PTPN11: variants seen among roughly 807,000 people sequenced by gnomAD.
The protein encoded by PTPN11 is tyrosine-protein phosphatase non-receptor type 11.
In PTPN11, 6 loss-of-function variants were observed where a neutral mutation model predicts 78.8. The ratio of observed to expected loss-of-function variants is 0.08; its 90% CI spans 0.04 to 0.15. PTPN11 has a LOEUF of 0.15. Ranked by LOEUF, PTPN11 falls within the 10% of genes least tolerant of loss-of-function variation. PTPN11 has a pLI of 1.00. For missense variants in PTPN11, 386 were observed against 744.8 expected, an observed-to-expected ratio of 0.52 and a Z score of 5.61; for synonymous variants, 221 against 263.5, an observed-to-expected ratio of 0.84 and a Z score of 1.56.
chr12:112,482,260 A>G lies in PTPN11; in HGVS notation c.1224+55A>G. ...TGGGAACTGTTGATGGTGTGTAGGA[A>G]TTCAGGGTCTTGCCGTTACTCATGT... On this transcript the variant is annotated intron_variant, in intron 10 of 15. Coordinates refer to ENST00000351677, the MANE Select transcript of PTPN11 (RefSeq NM_002834.5). The surrounding 1 kb of genome is among the most constrained non-coding windows in gnomAD (Gnocchi z 4.4). 2 of 1,580,628 alleles carry G rather than the reference A, an allele frequency of 1.3e-6. No individual in the cohort carries two copies.
intron 14 of PTPN11, among the ~76,000 whole-genome samples, chr12:112,503,351 C>T (rs7953531): frequency 0.023 from 3,553 of 152,250 alleles, 144 homozygotes; most frequent in African/African-American, 0.08. Context: ...GCTAGTATAA[C>T]ATTTACCTTT....
At chr12:112,460,620 G>T (rs1451511054) in intron 6 of PTPN11, among the ~76,000 whole-genome samples, 3 of 151,988 alleles carry the variant, frequency 2.0e-5, no homozygotes, top group East Asian at 1.9e-4. Context: ...GAGGTGGGCG[G>T]ATCACGAGGT....
At chr12:112,441,043 C>T (rs1222664168) in intron 1 of PTPN11, among the ~76,000 whole-genome samples, 1 of 149,658 alleles carries the variant, frequency 6.7e-6, no homozygotes. Flanking sequence ...TGGCTCACCG[C>T]ACCCTCCGCT....
At chr12:112,425,797 T>G (rs2037607701) in intron 1 of PTPN11, among the ~76,000 whole-genome samples, 1 of 152,150 alleles carries the variant, frequency 6.6e-6, no homozygotes, top group African/African-American at 2.4e-5. Flanking sequence ...GTTGCAATGA[T>G]AGCTTACTGT....
chr12:112,501,398 G>C (rs554838166), intron 13 of PTPN11, among the ~76,000 whole-genome samples: 1 of 152,154 alleles, frequency 6.6e-6, no homozygotes, highest in South Asian at 2.1e-4. Context: ...GAGGCAGGTG[G>C]ATCATCTGAG....
intron 2 of PTPN11, among the ~76,000 whole-genome samples, chr12:112,446,998 T>C (rs1243877356): frequency 1.3e-5 from 2 of 152,190 alleles, no homozygotes; most frequent in African/African-American, 4.8e-5. Context: ...CCCGGGTAGC[T>C]GGGACTCCAG....
intron 13 of PTPN11, among the ~76,000 whole-genome samples, chr12:112,498,456 A>C (rs956695066): frequency 1.3e-4 from 20 of 152,188 alleles, no homozygotes; most frequent in Non-Finnish European, 2.5e-4. Context: ...AAGTGTTTTC[A>C]TTTTACCCTC....
At chr12:112,430,074 G>A (rs1185455902) in intron 1 of PTPN11, among the ~76,000 whole-genome samples, 2 of 151,776 alleles carry the variant, frequency 1.3e-5, no homozygotes, top group East Asian at 3.9e-4. Context: ...AGGCTGGAGT[G>A]CAGTGGCACC....
chr12:112,430,533 A>G (rs1368335591), intron 1 of PTPN11, among the ~76,000 whole-genome samples: 1 of 151,716 alleles, frequency 6.6e-6, no homozygotes, highest in African/African-American at 2.4e-5. Flanking sequence ...GGTTCAAGCA[A>G]TCCTCCCGTC....
intron 1 of PTPN11, among the ~76,000 whole-genome samples, chr12:112,439,767 G>A (rs2037852074): frequency 6.7e-6 from 1 of 149,532 alleles, no homozygotes; most frequent in African/African-American, 2.5e-5. Flanking sequence ...ACCATGCATG[G>A]CTGGATTGTC....
intron 2 of PTPN11, 82 bp from the exon 3 acceptor site, chr12:112,450,236 C>A: frequency 7.6e-7 from 1 of 1,323,260 alleles, no homozygotes; most frequent in Non-Finnish European, 1.1e-6. Flanking sequence ...TAGGTAAAAT[C>A]CGACGTGGAA....
chr12:112,453,430 T>C, intron 4 of PTPN11, 43 bp downstream of exon 4: 1 of 1,558,576 alleles, frequency 6.4e-7, no homozygotes, highest in Non-Finnish European at 8.8e-7. Flanking sequence ...GATGTTACCT[T>C]TGGGTGATTT....
chr12:112,488,352 A>T, intron 11 of PTPN11, 91 bp from the exon 12 acceptor site: 1 of 1,032,866 alleles, frequency 9.7e-7, no homozygotes, highest in Non-Finnish European at 1.5e-6. Flanking sequence ...AAGAGTAGAC[A>T]TTGTTTCTGT....
chr12:112,434,620 A>AG (rs2037762013), intron 1 of PTPN11, among the ~76,000 whole-genome samples: 1 of 151,746 alleles, frequency 6.6e-6, no homozygotes, highest in Non-Finnish European at 1.5e-5. Flanking sequence ...AAAAAAAAAA[A>AG]GAGAGAAAGA....
intron 11 of PTPN11, among the ~76,000 whole-genome samples, chr12:112,488,214 G>A (rs2038703716): frequency 6.6e-6 from 1 of 152,132 alleles, no homozygotes; most frequent in Non-Finnish European, 1.5e-5. Context: ...AGAGGTTAAG[G>A]GACTTACCTC....
chr12:112,460,662 T>A (rs377683885), intron 6 of PTPN11, among the ~76,000 whole-genome samples: 3 of 151,950 alleles, frequency 2.0e-5, no homozygotes, highest in Admixed American at 1.3e-4. Context: ...GCCAACATGG[T>A]GAAACCCGGT....
chr12:112,497,171 CAAA>C (rs59581934), intron 13 of PTPN11, among the ~76,000 whole-genome samples: 21 of 73,576 alleles, frequency 2.9e-4, no homozygotes, highest in East Asian at 3.0e-4. Context: ...GACTCTGTCT[CAAA>C]AAAAAAAAAA....
intron 8 of PTPN11, 56 bp downstream of exon 8, chr12:112,477,786 A>G: frequency 3.7e-6 from 6 of 1,607,114 alleles, no homozygotes; most frequent in East Asian, 2.2e-5. Context: ...CTATTTTTGT[A>G]TTTTAAATCC....
intron 7 of PTPN11, 78 bp from the exon 8 acceptor site, chr12:112,477,573 C>A: frequency 8.6e-7 from 1 of 1,157,558 alleles, no homozygotes; most frequent in Non-Finnish European, 1.3e-6. Flanking sequence ...TTGGACTAGG[C>A]TGGGGAGTAA....
Sources: gnomAD v4.1 joint callset for allele counts (sites outside exome capture counted in the v4.1 genomes callset) on GRCh38, gnomAD v4.1.1 for gene constraint, Gnocchi (gnomAD v3.1) non-coding constraint, MANE v1.5 for transcripts, NCBI Gene and HGNC (gene_info 2026-07-23, HGNC 2026-07-21) for gene names.